The following RTN2 variants were observed in gnomAD, a reference collection of about 807,000 sequenced individuals.
RTN2 encodes the protein reticulon-2.
Under a neutral mutation model 63.7 loss-of-function variants are expected in RTN2, and 36 were observed. That is an observed-to-expected ratio of 0.56 (90% CI 0.43 to 0.75). The LOEUF (loss-of-function observed/expected upper bound fraction) is 0.75. RTN2 is among the 30% of genes least tolerant of loss of function. The pLI, the probability that RTN2 is intolerant of heterozygous loss-of-function variation, is 0.00. For synonymous variants in RTN2, 312 were observed against 313.0 expected (o/e 1.00, Z 0.03); for missense variants, 673 against 705.1 (o/e 0.95, Z 0.52).
At chr19:45,491,980 C>T (rs983946328) in intron 5 of RTN2, among the ~76,000 whole-genome samples, 9 of 152,002 alleles carry the variant, frequency 5.9e-5, no homozygotes, top group Non-Finnish European at 1.0e-4. Context: ...ACTAGTAAGA[C>T]CATAACAGTT....
At chr19:45,490,944 T>C (rs990815257) in intron 5 of RTN2, among the ~76,000 whole-genome samples, 10 of 150,326 alleles carry the variant, frequency 6.7e-5, no homozygotes, top group Admixed American at 3.3e-4. Context: ...TGGAGTGCAA[T>C]TGTGCAATCT....
rs1968072662 is a variant in RTN2 at position 45,488,370 on chromosome 19, G to T, written c.1497+101C>A. The T allele has an allele frequency of 3.2e-6, 4 of 1,252,480 alleles. No individual in the cohort carries two copies. The South Asian group carries it at 4.1e-5, about 13-fold the overall frequency. 77.6% of individuals were successfully genotyped at this position (1,252,480 alleles called of 1,614,324 possible). A position where few individuals can be genotyped will look rare whatever the true frequency, so the allele number is the denominator to read the frequency against. ...AAGGTGCTGCAGCCAGGACACCTGT[G>T]TCTGGCCGGGACATCTGTCAATGGG... On this transcript the variant is annotated intron_variant, in intron 9 of 10. Transcript: ENST00000245923.
rs200129056 is a variant in RTN2, at chr19:45,488,953, C to T, written c.1275G>A (p.Arg425=). 5 of 1,611,756 alleles carry T rather than the reference C, an allele frequency of 3.1e-6. No homozygotes were observed. The highest frequency in any genetic ancestry group is 1.7e-4 in the Middle Eastern group (1 of 6,038). Residue 425 remains arginine, a synonymous_variant, in exon 7 of 11, where the codon CGG becomes CGA. Transcript: ENST00000245923. ...AYLDVDLTLT[R]EQTERLSHQI... Reference sequence around the variant, plus strand: ...GGTGGGACAAACGTTCCGTCTGCTCCCGAGTCAGGGTGAGGTCCACATCCA... The same window carrying T: ...GGTGGGACAAACGTTCCGTCTGCTCTCGAGTCAGGGTGAGGTCCACATCCA...
At chr19:45,489,167 G>A in intron 6 of RTN2, 179 bp downstream of exon 6, 7 of 865,018 alleles carry the variant, frequency 8.1e-6, no homozygotes, top group Admixed American at 4.6e-5. Context: ...GGAAGGGATC[G>A]AGGATGAAGG....
chr19:45,496,543 T>C (rs1218707419), intron 1 of RTN2: 4 of 356,926 alleles, frequency 1.1e-5, no homozygotes, highest in Non-Finnish European at 2.0e-5. Flanking sequence ...GGGCGGTACG[T>C]CCCAGAGCGC....
intron 5 of RTN2, among the ~76,000 whole-genome samples, chr19:45,491,633 G>T (rs1031624876): frequency 6.6e-6 from 1 of 151,046 alleles, no homozygotes; most frequent in Non-Finnish European, 1.5e-5. Flanking sequence ...CCGGGTTCAC[G>T]CCATTCTCCT....
intron 1 of RTN2, among the ~76,000 whole-genome samples, chr19:45,495,795 C>T (rs1968257011): frequency 1.3e-5 from 2 of 152,124 alleles, no homozygotes; most frequent in South Asian, 4.1e-4. Flanking sequence ...AGAAGAGTGA[C>T]TGAGGAGGAG....
chr19:45,496,186 T>C (rs934127883), intron 1 of RTN2, among the ~76,000 whole-genome samples: 1 of 152,198 alleles, frequency 6.6e-6, no homozygotes, highest in Admixed American at 6.5e-5. Flanking sequence ...TCTGACGCCC[T>C]GTGCCCTCAC....
rs1300384939 is a variant in RTN2 at position 45,496,769 on chromosome 19, G to C, written c.34+23C>G. On this transcript the variant is annotated intron_variant, in intron 1 of 10. Transcript: ENST00000245923. ...ACCTGAACCTCTGGGGCCCACACCA[G>C]GCCCCAGTCTTCCTCTACTCACTGC... 2.0e-6 allele frequency: 3 copies of C among 1,491,714 alleles called. No homozygotes were observed. The East Asian group carries it at 8.2e-5, about 41-fold the overall frequency. The allele number at this position is 1,491,714 out of a possible 1,614,324, so 92.4% of individuals were successfully genotyped here.
intron 1 of RTN2, among the ~76,000 whole-genome samples, chr19:45,495,574 G>C (rs1234241583): frequency 1.3e-5 from 2 of 152,224 alleles, no homozygotes; most frequent in East Asian, 3.8e-4. Flanking sequence ...AAGGGTAGGG[G>C]AAGAGAAAGT....
chr19:45,495,426 T>C (rs1375807479), intron 1 of RTN2, among the ~76,000 whole-genome samples: 3 of 152,224 alleles, frequency 2.0e-5, no homozygotes, highest in Admixed American at 6.5e-5. Flanking sequence ...GGCACTGTTC[T>C]AGGTCCTGGG....
intron 9 of RTN2, among the ~76,000 whole-genome samples, chr19:45,486,534 C>G (rs1040197289): frequency 6.6e-6 from 1 of 151,912 alleles, no homozygotes; most frequent in Non-Finnish European, 1.5e-5. Context: ...TTTTTTGAGA[C>G]AGGGTCTCGC....
At chr19:45,485,977 G>A (rs910442413) in intron 10 of RTN2, 78 bp downstream of exon 10, 15 of 1,431,720 alleles carry the variant, frequency 1.0e-5, no homozygotes, top group Non-Finnish European at 1.3e-5. Context: ...GGAGATTTGC[G>A]GACAGCGAGA....
intron 5 of RTN2, among the ~76,000 whole-genome samples, chr19:45,491,360 ATTTTTTTTT>A (rs752835899): frequency 0.18 from 22,607 of 125,512 alleles, 1,821 homozygotes; most frequent in South Asian, 0.26. Context: ...TATCGTGCTA[ATTTTTTTTT>A]TTTTTTTTTT....
intron 5 of RTN2, among the ~76,000 whole-genome samples, chr19:45,492,531 CTG>C (rs1427268084): frequency 1.3e-5 from 2 of 152,170 alleles, no homozygotes; most frequent in Non-Finnish European, 1.5e-5. Context: ...GAGGGAGACT[CTG>C]TGGCTTAAAA....
chr19:45,489,681 T>TG (rs1968111346), intron 5 of RTN2, 128 bp from the exon 6 acceptor site: 3 of 595,834 alleles, frequency 5.0e-6, no homozygotes, highest in Admixed American at 3.1e-5. Flanking sequence ...ATTTCCTTTT[T>TG]TTTTTTTTTT....
intron 9 of RTN2, among the ~76,000 whole-genome samples, chr19:45,487,804 A>G (rs1447071828): frequency 1.3e-5 from 2 of 150,262 alleles, no homozygotes; most frequent in African/African-American, 4.9e-5. Flanking sequence ...TTAGCCAGGC[A>G]TGGTGGCAGG....
Position 45,494,682 on chromosome 19 carries a change from G to T in RTN2, c.403C>A (p.Arg135Ser). ...GDPDTAPPSE[R>S]PLEDLRLRLD... ...CGAAGCCTCAGGTCTTCCAGAGGGC[G>T]CTCGGATGGAGGCGCGGTGTCAGGA... Residue 135 changes from arginine to serine, a missense_variant, in exon 3 of 11, where the codon CGC (arginine) becomes AGC (serine). Coordinates refer to ENST00000245923, the MANE Select transcript of RTN2 (RefSeq NM_005619.5). The surrounding 1 kb of genome is among the most constrained non-coding windows in gnomAD (Gnocchi z 5.3). The T allele has an allele frequency of 6.2e-7, 1 of 1,613,694 alleles. No homozygotes were observed. Among genetic ancestry groups the T allele is most frequent in the Non-Finnish European group, 8.5e-7 (1 of 1,180,000 alleles).
In RTN2 at chr19:45,494,935, CTCCTCCTCG is replaced by C. The variant is rs750037372; in HGVS notation, c.141_149del (p.Asp47_Glu49del). The C allele has an allele frequency of 2.5e-6, 4 of 1,613,642 alleles. No individual in the cohort carries two copies. In the Admixed American group the frequency reaches 6.7e-5, roughly 27 times the overall value. On this transcript the variant is annotated inframe_deletion, in exon 3 of 11. Transcript: ENST00000245923. This position sits in a 1 kb window ranked among gnomAD's most constrained non-coding sequence, Gnocchi z 5.3. ...GGGTGCCCCAGTCCTGCGACGTGGT[CTCCTCCTCG>C]TCCTCCTCTGAGAATTCCCGGGCTG...
Sources: allele counts gnomAD v4.1 joint callset (sites outside exome capture counted in the v4.1 genomes callset), GRCh38; gene constraint gnomAD v4.1.1; non-coding constraint Gnocchi (gnomAD v3.1); transcripts MANE v1.5; gene names NCBI Gene and HGNC (gene_info 2026-07-23, HGNC 2026-07-21).